DPP6: variants seen among roughly 807,000 people sequenced by gnomAD.
DPP6 encodes dipeptidyl peptidase like 6.
In DPP6, 69 loss-of-function variants were observed where a neutral mutation model predicts 122.6. That is an observed-to-expected ratio of 0.56 (90% CI 0.46 to 0.69). The LOEUF (loss-of-function observed/expected upper bound fraction) is 0.69, where lower values mean the gene tolerates loss of function less well. Among genes scored for constraint, DPP6 ranks in the 30% least tolerant of loss-of-function variants. DPP6 has a pLI of 0.00. For missense variants in DPP6, 928 were observed against 1,116.9 expected (o/e 0.83, Z 2.41); for synonymous variants, 418 against 433.1 (o/e 0.97, Z 0.43).
At chr7:154,203,218 A>G (rs1799262704) in intron 1 of DPP6, among the ~76,000 whole-genome samples, 1 of 152,186 alleles carries the variant, frequency 6.6e-6, no homozygotes, top group Admixed American at 6.5e-5. Flanking sequence ...TTTAGAGTGC[A>G]TGGGGCTGCT....
intron 1 of DPP6, among the ~76,000 whole-genome samples, chr7:153,897,628 G>A (rs1039496081): frequency 3.9e-5 from 6 of 152,118 alleles, no homozygotes; most frequent in Admixed American, 3.9e-4. Flanking sequence ...CTCTTTTCTA[G>A]GGAAAATGTC....
At chr7:154,312,301 G>T (rs1372708068) in intron 1 of DPP6, among the ~76,000 whole-genome samples, 1 of 152,192 alleles carries the variant, frequency 6.6e-6, no homozygotes, top group Non-Finnish European at 1.5e-5. Flanking sequence ...ATATGCACAG[G>T]CATGGAGTCA....
At chr7:154,060,348 G>T (rs72505524) in intron 1 of DPP6, among the ~76,000 whole-genome samples, 12,178 of 125,054 alleles carry the variant, frequency 0.097, 819 homozygotes, top group Admixed American at 0.18. Flanking sequence ...CACCCCCCGC[G>T]AGGCAGGGAC....
At chr7:154,280,103 C>A (rs1563408616) in intron 1 of DPP6, among the ~76,000 whole-genome samples, 1 of 152,054 alleles carries the variant, frequency 6.6e-6, no homozygotes, top group Non-Finnish European at 1.5e-5. Flanking sequence ...TCAGATGGGC[C>A]AATAGCAGAA....
chr7:154,804,835 T>A lies in DPP6; in HGVS notation c.1500-82T>A, dbSNP rs1241640720. 8.7e-5 allele frequency: 135 copies of A among 1,544,442 alleles called. No homozygotes were observed. The Middle Eastern group carries it at 1.0e-3, about 11-fold the overall frequency. ...CATGGGCGGCAGTCCCTGAGGAGTG[T>A]CCATAGAGGTAGTGCCAGGAATGTG... On this transcript the variant is annotated intron_variant, in intron 14 of 25. Transcript: ENST00000377770.
intron 16 of DPP6, among the ~76,000 whole-genome samples, chr7:154,822,425 A>C (rs1379016242): frequency 6.6e-6 from 1 of 152,176 alleles, no homozygotes; most frequent in East Asian, 1.9e-4. Context: ...AATCCTATTC[A>C]GAGGCCTCCA....
At chr7:153,944,670 T>G (rs2129018075) in intron 1 of DPP6, among the ~76,000 whole-genome samples, 1 of 142,828 alleles carries the variant, frequency 7.0e-6, no homozygotes, top group South Asian at 2.3e-4. Context: ...GTGGGTTTTT[T>G]TTTTTTTTTT....
chr7:153,847,946 A>C, the DPP6 span, among the ~76,000 whole-genome samples: 1 of 152,138 alleles, frequency 6.6e-6, no homozygotes, highest in African/African-American at 2.4e-5. Flanking sequence ...ACCTAAAGCC[A>C]ACAGGCCTGT....
intron 4 of DPP6, among the ~76,000 whole-genome samples, chr7:154,558,108 C>A (rs1275396180): frequency 6.6e-6 from 1 of 151,880 alleles, no homozygotes; most frequent in Non-Finnish European, 1.5e-5. Context: ...ACCCCTCCAC[C>A]CCCCCACAGG....
In DPP6 at chr7:154,795,764, G is replaced by A. The variant is rs374622818; in HGVS notation, c.1261-81G>A. On this transcript the variant is annotated intron_variant, in intron 11 of 25. Coordinates refer to ENST00000377770, the MANE Select transcript of DPP6 (RefSeq NM_130797.4). The stretch of plus-strand genomic sequence containing the variant: ...AAGCCAAATTGTTTCCTGCACTGTC[G>A]GTCACAGACACAATACATGCAAAAA... The A allele has an allele frequency of 2.0e-4, 310 of 1,531,890 alleles. 1 individual carries two copies. In the African/African-American group the frequency reaches 3.3e-3, roughly 17 times the overall value. 94.9% of individuals were successfully genotyped at this position (1,531,890 alleles called of 1,614,324 possible).
chr7:153,964,942 T>TTTC (rs1563055624), intron 1 of DPP6, among the ~76,000 whole-genome samples: 5 of 113,558 alleles, frequency 4.4e-5, no homozygotes, highest in African/African-American at 8.9e-5. Flanking sequence ...TTCTTTCTTT[T>TTTC]TCTTTCTTTC....
chr7:154,574,753 T>TGTGTGTGTG lies in DPP6; in HGVS notation c.627+7845_627+7846insGGTGTGTGT, dbSNP rs1491515502. ...ACGTGTGTGGTGTGTGTATGTGTGT[T>TGTGTGTGTG]GTGTGTGTATATGTGTGTGGTGCAT... On this transcript the variant is annotated intron_variant, in intron 5 of 25. Coordinates refer to ENST00000377770, the MANE Select transcript of DPP6 (RefSeq NM_130797.4). Among the ~76,000 whole-genome samples the TGTGTGTGTG allele has an allele frequency of 6.5e-3, 824 of 126,558 alleles. 11 individuals are homozygous for TGTGTGTGTG. The highest frequency in any genetic ancestry group is 0.022 in the African/African-American group (715 of 33,146). The allele number at this position is 126,558 out of a possible 152,430, so 83.0% of individuals were successfully genotyped here. A position where few individuals can be genotyped will look rare whatever the true frequency, so the allele number is the denominator to read the frequency against.
intron 13 of DPP6, among the ~76,000 whole-genome samples, chr7:154,801,877 C>CA: frequency 6.6e-6 from 1 of 152,274 alleles, no homozygotes; most frequent in African/African-American, 2.4e-5. Flanking sequence ...GCCCTACCTC[C>CA]ACCCGGAGTT....
intron 1 of DPP6, among the ~76,000 whole-genome samples, chr7:154,277,172 T>C (rs1005630270): frequency 6.6e-6 from 1 of 152,220 alleles, no homozygotes; most frequent in Non-Finnish European, 1.5e-5. Context: ...TTTTTTCCAC[T>C]GTGTACATGA....
At chr7:154,739,747 C>T (rs1052439212) in intron 8 of DPP6, among the ~76,000 whole-genome samples, 1 of 152,212 alleles carries the variant, frequency 6.6e-6, no homozygotes, top group Non-Finnish European at 1.5e-5. Context: ...AATAAGCTCC[C>T]TTCCTTCTTG....
intron 1 of DPP6, among the ~76,000 whole-genome samples, chr7:154,435,743 T>C (rs1219382459): frequency 6.6e-6 from 1 of 152,204 alleles, no homozygotes; most frequent in African/African-American, 2.4e-5. Flanking sequence ...ATGTGCACCA[T>C]TGATTTTGTA....
chr7:154,233,925 G>C (rs1443408488), intron 1 of DPP6, among the ~76,000 whole-genome samples: 1 of 152,248 alleles, frequency 6.6e-6, no homozygotes, highest in Non-Finnish European at 1.5e-5. Context: ...GAGAAAGGCT[G>C]TGGGTTGGAT....
intron 7 of DPP6, among the ~76,000 whole-genome samples, chr7:154,709,799 T>C (rs976043672): frequency 3.3e-5 from 5 of 152,200 alleles, no homozygotes; most frequent in Non-Finnish European, 1.5e-5. Context: ...TACTTTGTAG[T>C]AATTTTACTT....
At chr7:153,768,388 T>C in the DPP6 span, among the ~76,000 whole-genome samples, 1 of 152,056 alleles carries the variant, frequency 6.6e-6, no homozygotes, top group African/African-American at 2.4e-5. Context: ...CTCAGAGATA[T>C]TAAGTAACTT....
Sources: gnomAD v4.1 joint callset for allele counts (sites outside exome capture counted in the v4.1 genomes callset) on GRCh38, gnomAD v4.1.1 for gene constraint, MANE v1.5 for transcripts, NCBI Gene and HGNC (gene_info 2026-07-23, HGNC 2026-07-21) for gene names.